Variants in AP4E1 observed in about 807,000 individuals in gnomAD.
AP4E1 encodes AP-4 complex subunit epsilon-1.
In AP4E1, 56 loss-of-function variants were observed where a neutral mutation model predicts 128.2. The ratio of observed to expected loss-of-function variants is 0.44; its 90% CI spans 0.35 to 0.55. The LOEUF is 0.55. Ranked by LOEUF, AP4E1 falls within the 20% of genes least tolerant of loss-of-function variation. The pLI, the probability that AP4E1 is intolerant of heterozygous loss-of-function variation, is 0.00. For missense variants in AP4E1, 1,324 were observed against 1,307.7 expected, an observed-to-expected ratio of 1.01 and a Z score of -0.19; for synonymous variants, 484 against 473.1, an observed-to-expected ratio of 1.02 and a Z score of -0.30.
chr15:50,941,810 T>C (rs576197367), intron 10 of AP4E1, 35 bp downstream of exon 10: 1 of 1,530,278 alleles, frequency 6.5e-7, no homozygotes, highest in Admixed American at 1.7e-5. Flanking sequence ...ATGTGAAGTG[T>C]TAAAATTTTT....
chr15:50,927,703 G>A (rs1332676031), intron 5 of AP4E1, among the ~76,000 whole-genome samples: 6 of 151,484 alleles, frequency 4.0e-5, no homozygotes, highest in Non-Finnish European at 7.4e-5. Context: ...TTCCGTTATG[G>A]CATAGCTTGC....
chr15:50,980,141 T>A (rs2064622379), intron 15 of AP4E1, among the ~76,000 whole-genome samples: 1 of 152,210 alleles, frequency 6.6e-6, no homozygotes, highest in Non-Finnish European at 1.5e-5. Context: ...GGCTTCACTG[T>A]CTCTTTATCT....
upstream of AP4E1, among the ~76,000 whole-genome samples, chr15:50,908,379 A>T (rs2063519936): frequency 6.6e-6 from 1 of 151,988 alleles, no homozygotes; most frequent in Admixed American, 6.6e-5. Context: ...CGCAGCCAGG[A>T]AGACGCAACT....
chr15:50,948,226 A>G (rs763466426), intron 11 of AP4E1, 67 bp downstream of exon 11: 20 of 1,575,708 alleles, frequency 1.3e-5, no homozygotes, highest in Admixed American at 1.2e-4. Context: ...GATGATTGGT[A>G]TAGATATGGT....
intron 16 of AP4E1, among the ~76,000 whole-genome samples, chr15:50,988,738 G>A (rs2064764311): frequency 6.6e-6 from 1 of 152,100 alleles, no homozygotes; most frequent in African/African-American, 2.4e-5. Context: ...AAACTCTATT[G>A]CTTTCACACC....
chr15:50,957,596 T>G (rs556880339), intron 13 of AP4E1, among the ~76,000 whole-genome samples: 1 of 151,860 alleles, frequency 6.6e-6, no homozygotes, highest in South Asian at 2.1e-4. Context: ...TTCCTCTGCC[T>G]CCTGTCCCTA....
At chr15:50,912,634 T>C (rs1346354126) in intron 2 of AP4E1, among the ~76,000 whole-genome samples, 1 of 151,182 alleles carries the variant, frequency 6.6e-6, no homozygotes, top group Non-Finnish European at 1.5e-5. Flanking sequence ...TGTCCCAGCA[T>C]AGCTAGATTA....
intron 16 of AP4E1, among the ~76,000 whole-genome samples, chr15:50,990,566 A>G (rs2064792865): frequency 6.6e-6 from 1 of 151,800 alleles, no homozygotes; most frequent in Non-Finnish European, 1.5e-5. Flanking sequence ...TTATGTTTTT[A>G]GTAGAGGCAG....
chr15:50,950,007 G>C (rs1251583836), intron 12 of AP4E1, 44 bp from the exon 13 acceptor site: 1 of 1,592,046 alleles, frequency 6.3e-7, no homozygotes, highest in South Asian at 1.1e-5. Context: ...AGAGTCCTAA[G>C]ATAAGTTTGT....
At chr15:50,947,243 C>T (rs1343646619) in intron 10 of AP4E1, among the ~76,000 whole-genome samples, 1 of 151,710 alleles carries the variant, frequency 6.6e-6, no homozygotes, top group African/African-American at 2.4e-5. Context: ...TGGTCGAACT[C>T]CATCTCTATA....
intron 15 of AP4E1, among the ~76,000 whole-genome samples, chr15:50,975,690 G>GATTTGTAATAT (rs2064541344): frequency 6.6e-6 from 1 of 152,078 alleles, no homozygotes. Context: ...GATTATTGTA[G>GATTTGTAATAT]ATTTGTAATA....
chr15:50,985,230 T>G (rs1044173758), intron 16 of AP4E1, among the ~76,000 whole-genome samples: 6 of 152,208 alleles, frequency 3.9e-5, no homozygotes, highest in Non-Finnish European at 5.9e-5. Context: ...GATGAGTAGA[T>G]TGCAAAAATT....
At chr15:50,983,220 C>A (rs2064666589) in intron 15 of AP4E1, among the ~76,000 whole-genome samples, 1 of 152,176 alleles carries the variant, frequency 6.6e-6, no homozygotes, top group South Asian at 2.1e-4. Context: ...TTTGGTGTTC[C>A]ACTTTATGAT....
intron 15 of AP4E1, among the ~76,000 whole-genome samples, chr15:50,972,641 A>T (rs921536565): frequency 6.6e-6 from 1 of 152,144 alleles, no homozygotes; most frequent in Non-Finnish European, 1.5e-5. Flanking sequence ...CAAGTTTTGG[A>T]TATGTGCATG....
intron 8 of AP4E1, among the ~76,000 whole-genome samples, chr15:50,939,939 G>T (rs572190537): frequency 1.3e-5 from 2 of 152,074 alleles, no homozygotes; most frequent in Non-Finnish European, 2.9e-5. Context: ...GGTTTCTGTC[G>T]CATATTCTCC....
chr15:50,909,032 T>G, intron 1 of AP4E1, 104 bp downstream of exon 1: 1 of 1,531,774 alleles, frequency 6.5e-7, no homozygotes, highest in Non-Finnish European at 8.8e-7. Context: ...GGGTTAGCCC[T>G]CCGGCGGGGC....
At chr15:50,969,626 T>C (rs1382064807) in intron 15 of AP4E1, among the ~76,000 whole-genome samples, 2 of 152,034 alleles carry the variant, frequency 1.3e-5, no homozygotes, top group Non-Finnish European at 2.9e-5. Flanking sequence ...CAAACATGTA[T>C]CATTTCTTTG....
At chr15:50,943,355 A>G (rs1247924144) in intron 10 of AP4E1, among the ~76,000 whole-genome samples, 1 of 152,186 alleles carries the variant, frequency 6.6e-6, no homozygotes, top group African/African-American at 2.4e-5. Flanking sequence ...TTTGAAGATT[A>G]CAAATTTTAA....
chr15:50,925,095 C>T lies in AP4E1; in HGVS notation c.421-3C>T. 1 of 1,613,790 alleles carries T rather than the reference C, an allele frequency of 6.2e-7. No homozygotes were observed. Reference sequence around the variant, plus strand: ...ATGTTTTCTTTGCTTAATGTTGTGCCAGGATCTGCAGAGCACTAACCTAGT... The same window carrying T: ...ATGTTTTCTTTGCTTAATGTTGTGCTAGGATCTGCAGAGCACTAACCTAGT... On this transcript the variant is annotated splice_polypyrimidine_tract_variant and splice_region_variant and intron_variant, in intron 4 of 20. Coordinates refer to ENST00000261842, the MANE Select transcript of AP4E1 (RefSeq NM_007347.5).
Sources: allele counts gnomAD v4.1 joint callset (sites outside exome capture counted in the v4.1 genomes callset), GRCh38; gene constraint gnomAD v4.1.1; transcripts MANE v1.5; gene names NCBI Gene and HGNC (gene_info 2026-07-23, HGNC 2026-07-21).